Variants in CFDP1 observed in about 807,000 individuals in gnomAD.
CFDP1 encodes heterochromatin-stabilizing protein CFDP1.
A neutral mutation model predicts 40.1 loss-of-function variants in CFDP1; 31 were observed. The ratio of observed to expected loss-of-function variants is 0.77; its 90% CI spans 0.58 to 1.04. The LOEUF (loss-of-function observed/expected upper bound fraction) is 1.04, where lower values mean the gene tolerates loss of function less well. Ranked by LOEUF, CFDP1 falls within the 50% of genes least tolerant of loss-of-function variation. The probability of loss-of-function intolerance (pLI) is 0.00; values close to 1 mark genes in which losing one functional copy is unlikely to be tolerated. For synonymous variants in CFDP1, 167 were observed against 120.0 expected (o/e 1.39, Z -2.56); for missense variants, 423 against 343.4 (o/e 1.23, Z -1.83).
Position 75,433,325 on chromosome 16 carries a change from A to C in CFDP1, c.28T>G (p.Ser10Ala). Reference protein sequence around the residue: MEEFDSEDFSTSEEDEDYVP... With the variant: MEEFDSEDFATSEEDEDYVP... Reference sequence around the variant, plus strand: ...TAGTCCTCGTCCTCCTCCGACGTAGAGAAGTCTTCGGAGTCGAATTCCTCC... The same window carrying C: ...TAGTCCTCGTCCTCCTCCGACGTAGCGAAGTCTTCGGAGTCGAATTCCTCC... The change falls in exon 1 of 7, where the codon TCT becomes GCT. Residue 10 changes from serine (S) to alanine (A), a missense_variant. By Grantham distance (99) the Ser-to-Ala change is moderately conservative. Coordinates refer to ENST00000283882, the MANE Select transcript of CFDP1 (RefSeq NM_006324.3). 1 of 1,602,094 alleles carries C rather than the reference A, an allele frequency of 6.2e-7. No individual in the cohort carries two copies.
chr16:75,355,506 A>G (rs1186576829), intron 5 of CFDP1, among the ~76,000 whole-genome samples: 11 of 152,200 alleles, frequency 7.2e-5, no homozygotes, highest in Admixed American at 3.9e-4. Flanking sequence ...TTGTTCATCC[A>G]TAAGAAGCAA....
At chr16:75,327,645 A>T (rs1024074308) in intron 5 of CFDP1, among the ~76,000 whole-genome samples, 2 of 152,194 alleles carry the variant, frequency 1.3e-5, no homozygotes, top group Non-Finnish European at 2.9e-5. Flanking sequence ...ACACACATAT[A>T]CATGAAAGGG....
chr16:75,332,996 T>C (rs1261804259), intron 5 of CFDP1, among the ~76,000 whole-genome samples: 2 of 151,624 alleles, frequency 1.3e-5, no homozygotes, highest in Non-Finnish European at 2.9e-5. Context: ...TCAGTAGAGA[T>C]GGGGTTTCAC....
intron 6 of CFDP1, among the ~76,000 whole-genome samples, chr16:75,296,047 T>A (rs1166692731): frequency 2.0e-5 from 3 of 152,112 alleles, no homozygotes; most frequent in Non-Finnish European, 4.4e-5. Context: ...CACTGCACTT[T>A]AACTGTCCCC....
chr16:75,413,292 G>C (rs2079178076), intron 2 of CFDP1, among the ~76,000 whole-genome samples: 1 of 152,156 alleles, frequency 6.6e-6, no homozygotes, highest in South Asian at 2.1e-4. Flanking sequence ...GGACAGGCCA[G>C]GCGCAGTGGC....
intron 6 of CFDP1, among the ~76,000 whole-genome samples, chr16:75,299,371 T>C (rs2078205920): frequency 6.6e-6 from 1 of 151,526 alleles, no homozygotes. Flanking sequence ...GTGGATCATG[T>C]GGTCAGGAAA....
At chr16:75,411,207 G>C (rs1191698058) in intron 4 of CFDP1, among the ~76,000 whole-genome samples, 2 of 151,732 alleles carry the variant, frequency 1.3e-5, no homozygotes, top group African/African-American at 4.8e-5. Context: ...ACGGGAGCGA[G>C]ACTCCATCTA....
chr16:75,315,567 C>A (rs769391630), intron 5 of CFDP1, among the ~76,000 whole-genome samples: 1 of 152,016 alleles, frequency 6.6e-6, no homozygotes, highest in African/African-American at 2.4e-5. Flanking sequence ...AAAATCCCCC[C>A]AACTTTATAG....
At chr16:75,363,183 G>T (rs1012843596) in intron 5 of CFDP1, 1 of 150,684 alleles carries the variant, frequency 6.6e-6, no homozygotes, top group Non-Finnish European at 1.5e-5. Context: ...ATGCTATTTT[G>T]TTTTTCTATA....
intron 4 of CFDP1, among the ~76,000 whole-genome samples, chr16:75,401,974 A>C (rs929267486): frequency 1.3e-5 from 2 of 152,222 alleles, no homozygotes; most frequent in African/African-American, 4.8e-5. Context: ...GCATGGAAAA[A>C]GTATAAACTG....
chr16:75,297,195 T>TGTGTGTGTGTGGGTGTGTGTG (rs1491320265), intron 6 of CFDP1, among the ~76,000 whole-genome samples: 1 of 150,030 alleles, frequency 6.7e-6, no homozygotes, highest in Non-Finnish European at 1.5e-5. Context: ...TGTGTGTGTG[T>TGTGTGTGTGTGGGTGTGTGTG]TTTTAGTAGA....
intron 5 of CFDP1, among the ~76,000 whole-genome samples, chr16:75,330,978 A>AC (rs1308858192): frequency 1.3e-5 from 2 of 151,596 alleles, no homozygotes; most frequent in East Asian, 1.9e-4. Context: ...AAAAAAAAAA[A>AC]AAAAAAACAC....
intron 4 of CFDP1, among the ~76,000 whole-genome samples, chr16:75,404,512 C>T (rs1032475430): frequency 1.9e-4 from 29 of 152,100 alleles, no homozygotes; most frequent in African/African-American, 7.2e-5. Flanking sequence ...TGAGCCACCG[C>T]GCCCGGCCGC....
intron 5 of CFDP1, among the ~76,000 whole-genome samples, chr16:75,351,098 A>G (rs2078607334): frequency 6.6e-6 from 1 of 152,226 alleles, no homozygotes; most frequent in South Asian, 2.1e-4. Flanking sequence ...AAATAAAATA[A>G]ATGGATATTT....
intron 5 of CFDP1, among the ~76,000 whole-genome samples, chr16:75,313,291 G>C (rs1261844080): frequency 6.6e-6 from 1 of 152,186 alleles, no homozygotes; most frequent in Non-Finnish European, 1.5e-5. Context: ...AATGCTGCAG[G>C]AAGATGTAAA....
At chr16:75,320,304 T>C (rs1026966182) in intron 5 of CFDP1, among the ~76,000 whole-genome samples, 3 of 152,192 alleles carry the variant, frequency 2.0e-5, no homozygotes, top group South Asian at 2.1e-4. Flanking sequence ...CACTGGGTCA[T>C]AATGTAAAAC....
At chr16:75,397,135 TG>T (rs2079001288) in intron 4 of CFDP1, among the ~76,000 whole-genome samples, 1 of 151,748 alleles carries the variant, frequency 6.6e-6, no homozygotes, top group South Asian at 2.1e-4. Flanking sequence ...AGGATGGTCT[TG>T]ATCTCCTGAC....
rs1343406926 is a variant in CFDP1 at position 75,427,242 on chromosome 16, T to C, written c.64+6047A>G. Among the ~76,000 whole-genome samples, 5 of 151,628 alleles carry C rather than the reference T, an allele frequency of 3.3e-5. No homozygotes were observed. In the South Asian group the frequency reaches 8.3e-4, roughly 25 times the overall value. On this transcript the variant is annotated intron_variant, in intron 1 of 6. Transcript: ENST00000283882. ...AGGGAAATGCAAACTAAAGGAGAAA[T>C]TAGCTAATTTTTTTTCTTTTTTTTT...
intron 5 of CFDP1, among the ~76,000 whole-genome samples, chr16:75,335,751 T>G (rs2151517649): frequency 6.6e-6 from 1 of 151,904 alleles, no homozygotes; most frequent in South Asian, 2.1e-4. Flanking sequence ...AGAGACGGGG[T>G]TTCACCGTGT....
Sources: allele counts gnomAD v4.1 joint callset (sites outside exome capture counted in the v4.1 genomes callset), GRCh38; gene constraint gnomAD v4.1.1; transcripts MANE v1.5; gene names NCBI Gene and HGNC (gene_info 2026-07-23, HGNC 2026-07-21).